FHIT: variants seen among roughly 807,000 people sequenced by gnomAD.
FHIT encodes fragile histidine triad diadenosine triphosphatase.
Under a neutral mutation model 17.9 loss-of-function variants are expected in FHIT, and 19 were observed. That is an observed-to-expected ratio of 1.06 (90% CI 0.74 to 1.56). The LOEUF (loss-of-function observed/expected upper bound fraction) is 1.56, where lower values mean the gene tolerates loss of function less well. FHIT is among the 40% of genes most tolerant of loss of function. FHIT has a pLI of 0.00. For synonymous variants in FHIT, 81 were observed against 69.7 expected, an observed-to-expected ratio of 1.16 and a Z score of -0.81; for missense variants, 248 against 189.2, an observed-to-expected ratio of 1.31 and a Z score of -1.82.
intron 5 of FHIT, among the ~76,000 whole-genome samples, chr3:60,515,510 G>C (rs958079845): frequency 6.6e-6 from 1 of 151,418 alleles, no homozygotes; most frequent in Non-Finnish European, 1.5e-5. Context: ...TTAAGATCAA[G>C]GCTACTGTCA....
intron 3 of FHIT, among the ~76,000 whole-genome samples, chr3:60,870,970 C>T (rs1483218314): frequency 3.9e-5 from 6 of 152,042 alleles, no homozygotes; most frequent in African/African-American, 1.2e-4. Context: ...AGCATTTCCT[C>T]GTTGATGTCT....
At chr3:60,735,319 C>T (rs2107997149) in intron 4 of FHIT, among the ~76,000 whole-genome samples, 1 of 152,332 alleles carries the variant, frequency 6.6e-6, no homozygotes, top group Admixed American at 6.5e-5. Flanking sequence ...TCACTTTCCT[C>T]TGGGGAATCC....
At chr3:59,867,092 T>C (rs1045205657) in intron 8 of FHIT, among the ~76,000 whole-genome samples, 2 of 148,136 alleles carry the variant, frequency 1.4e-5, no homozygotes, top group African/African-American at 5.1e-5. Context: ...TAGCCTCTAA[T>C]TAGTTAAAAG....
At chr3:59,752,551 G>A (rs922433472) in intron 8 of FHIT, among the ~76,000 whole-genome samples, 1 of 152,090 alleles carries the variant, frequency 6.6e-6, no homozygotes, top group Non-Finnish European at 1.5e-5. Flanking sequence ...GCTGAGGGGG[G>A]TGATGATATG....
At chr3:60,086,880 A>ATTTGGGAGTCCC (rs1703516497) in intron 5 of FHIT, among the ~76,000 whole-genome samples, 1 of 152,140 alleles carries the variant, frequency 6.6e-6, no homozygotes, top group Admixed American at 6.5e-5. Flanking sequence ...TGGCTGTATA[A>ATTTGGGAGTCCC]TTTGGGAGTC....
chr3:60,502,708 A>T (rs1215142588), intron 5 of FHIT, among the ~76,000 whole-genome samples: 1 of 152,244 alleles, frequency 6.6e-6, no homozygotes, highest in East Asian at 1.9e-4. Context: ...AATGGCAGTG[A>T]CAAAACCGTC....
intron 5 of FHIT, among the ~76,000 whole-genome samples, chr3:60,521,888 T>C (rs1309014869): frequency 6.6e-6 from 1 of 152,084 alleles, no homozygotes; most frequent in East Asian, 1.9e-4. Flanking sequence ...CATTCAACAA[T>C]ACCAGAAACA....
chr3:60,341,283 T>A (rs1323070849), intron 5 of FHIT, among the ~76,000 whole-genome samples: 1 of 152,180 alleles, frequency 6.6e-6, no homozygotes, highest in Admixed American at 6.5e-5. Context: ...TATTATTTTG[T>A]AATAATATGT....
At chr3:60,425,818 TA>T (rs1553769112) in intron 5 of FHIT, among the ~76,000 whole-genome samples, 1 of 117,922 alleles carries the variant, frequency 8.5e-6, no homozygotes. Context: ...GGAAGTAAAG[TA>T]AATGATAGGA....
intron 2 of FHIT, among the ~76,000 whole-genome samples, chr3:61,118,717 C>T (rs76351939): frequency 0.1 from 15,712 of 152,130 alleles, 920 homozygotes; most frequent in South Asian, 0.2. Context: ...AAATAGGGCT[C>T]ATTGTACCTA....
chr3:60,645,119 T>A (rs1462583693), intron 4 of FHIT, among the ~76,000 whole-genome samples: 1 of 152,144 alleles, frequency 6.6e-6, no homozygotes, highest in African/African-American at 2.4e-5. Flanking sequence ...TTGGACTTCA[T>A]ATGCTACTTT....
At chr3:60,023,761 G>T (rs1045866511) in intron 5 of FHIT, among the ~76,000 whole-genome samples, 8 of 152,170 alleles carry the variant, frequency 5.3e-5, no homozygotes, top group Non-Finnish European at 1.0e-4. Flanking sequence ...GGCTCAACTA[G>T]GATTCCTGGT....
chr3:61,172,338 T>C (rs1243313405), intron 2 of FHIT, among the ~76,000 whole-genome samples: 1 of 151,958 alleles, frequency 6.6e-6, no homozygotes, highest in Non-Finnish European at 1.5e-5. Flanking sequence ...AGGGGAAAAA[T>C]GCAAGGGCAG....
chr3:60,708,885 G>C (rs2041443667), intron 4 of FHIT, among the ~76,000 whole-genome samples: 1 of 152,166 alleles, frequency 6.6e-6, no homozygotes, highest in South Asian at 2.1e-4. Flanking sequence ...ATCTCCATGG[G>C]GGGCTGTAGC....
chr3:60,571,564 G>T (rs2594233), intron 4 of FHIT, among the ~76,000 whole-genome samples: 1 of 151,942 alleles, frequency 6.6e-6, no homozygotes. Context: ...TGTGTCCCCA[G>T]ACAGGTCACC....
At chr3:60,490,354 T>C (rs1363429293) in intron 5 of FHIT, among the ~76,000 whole-genome samples, 1 of 152,164 alleles carries the variant, frequency 6.6e-6, no homozygotes, top group African/African-American at 2.4e-5. Flanking sequence ...TCTGTGCACA[T>C]CTGTTATAGG....
chr3:59,952,515 C>T (rs1707169760), intron 7 of FHIT, among the ~76,000 whole-genome samples: 1 of 152,180 alleles, frequency 6.6e-6, no homozygotes, highest in Non-Finnish European at 1.5e-5. Flanking sequence ...AAGCTAGAGG[C>T]ATGGCCTTTC....
chr3:60,494,565 A>C (rs1181280460), intron 5 of FHIT, among the ~76,000 whole-genome samples: 1 of 151,996 alleles, frequency 6.6e-6, no homozygotes, highest in Non-Finnish European at 1.5e-5. Context: ...GGTCTTATTC[A>C]TGTTTTCTAT....
At chr3:61,058,668 C>A (rs904798445) in intron 2 of FHIT, among the ~76,000 whole-genome samples, 1 of 152,176 alleles carries the variant, frequency 6.6e-6, no homozygotes, top group Non-Finnish European at 1.5e-5. Flanking sequence ...TCCAGCCATG[C>A]TTCCTCTACA....
Sources: gnomAD v4.1 joint callset for allele counts (sites outside exome capture counted in the v4.1 genomes callset) on GRCh38, gnomAD v4.1.1 for gene constraint, MANE v1.5 for transcripts, NCBI Gene and HGNC (gene_info 2026-07-23, HGNC 2026-07-21) for gene names.